BAZ1B: variants seen among roughly 807,000 people sequenced by gnomAD.
BAZ1B encodes bromodomain adjacent to zinc finger domain 1B.
Under a neutral mutation model 153.8 loss-of-function variants are expected in BAZ1B, and 22 were observed. That is an observed-to-expected ratio of 0.14 (90% CI 0.10 to 0.20). BAZ1B has a LOEUF of 0.20. Among genes scored for constraint, BAZ1B ranks in the 10% least tolerant of loss-of-function variants. BAZ1B has a pLI of 1.00. For synonymous variants in BAZ1B, 676 were observed against 633.4 expected (o/e 1.07, Z -1.01); for missense variants, 1,325 against 1,799.3 (o/e 0.74, Z 4.77).
intron 15 of BAZ1B, 118 bp from the exon 16 acceptor site, chr7:73,447,497 A>G (rs1015034118): frequency 1.6e-6 from 2 of 1,268,248 alleles, no homozygotes; most frequent in Non-Finnish European, 1.1e-6. Context: ...TGTATAACGT[A>G]TGATAATTCA....
At chr7:73,484,659 T>C (rs1789338078) in intron 6 of BAZ1B, among the ~76,000 whole-genome samples, 1 of 152,018 alleles carries the variant, frequency 6.6e-6, no homozygotes, top group Non-Finnish European at 1.5e-5. Flanking sequence ...AAAAAATAAA[T>C]AAAATATGTA....
In BAZ1B at chr7:73,441,706, C is replaced by T. The variant is rs184861154; in HGVS notation, c.*16-13G>A. ...CTGATACTGTCACCTGAGAGGAAGA[C>T]GGGGGAAGAGACAGAGTATGGGCTT... On this transcript the variant is annotated splice_polypyrimidine_tract_variant and intron_variant, in intron 19 of 19. Coordinates refer to ENST00000339594, the MANE Select transcript of BAZ1B (RefSeq NM_032408.4). 3.2e-3 allele frequency: 507 copies of T among 158,232 alleles called. 3 individuals are homozygous for T. The highest frequency in any genetic ancestry group is 4.7e-3 in the Non-Finnish European group (336 of 71,820). The allele number at this position is 158,232 out of a possible 1,614,324, so 9.8% of individuals were successfully genotyped here. A position where few individuals can be genotyped will look rare whatever the true frequency, so the allele number is the denominator to read the frequency against.
At chr7:73,515,755 T>C (rs1187696716) in intron 1 of BAZ1B, among the ~76,000 whole-genome samples, 1 of 152,132 alleles carries the variant, frequency 6.6e-6, no homozygotes, top group Non-Finnish European at 1.5e-5. Flanking sequence ...TTGTCCAGGC[T>C]GACCTCAAAT....
chr7:73,467,140 C>A (rs1263778721), intron 9 of BAZ1B, among the ~76,000 whole-genome samples: 2 of 152,188 alleles, frequency 1.3e-5, no homozygotes, highest in African/African-American at 4.8e-5. Context: ...ACCATGTTGG[C>A]CAGGCTGGTC....
At chr7:73,510,311 C>A (rs1554578397) in intron 2 of BAZ1B, among the ~76,000 whole-genome samples, 1 of 152,032 alleles carries the variant, frequency 6.6e-6, no homozygotes, top group African/African-American at 2.4e-5. Context: ...CACCTGTAGT[C>A]CCAGCTACTT....
intron 16 of BAZ1B, among the ~76,000 whole-genome samples, chr7:73,445,250 C>T (rs1554566248): frequency 6.6e-6 from 1 of 152,184 alleles, no homozygotes; most frequent in African/African-American, 2.4e-5. Flanking sequence ...AGAAACACTA[C>T]TTTCCATTCT....
At chr7:73,521,683 C>T (rs1220587328) in intron 1 of BAZ1B, 144 bp downstream of exon 1, 7 of 551,750 alleles carry the variant, frequency 1.3e-5, no homozygotes, top group Non-Finnish European at 1.9e-5. Context: ...CAGGCTGAGA[C>T]TCAGCCTCCA....
Position 73,476,931 on chromosome 7 carries a change from T to C in BAZ1B, c.2530A>G (p.Ser844Gly). 6.2e-7 allele frequency: 1 copy of C among 1,613,100 alleles called. No individual in the cohort carries two copies. The highest frequency in any genetic ancestry group is 1.3e-5 in the African/African-American group (1 of 74,944). ...EAEDMISAVK[S>G]RRLLAIQAKK... ...GCTTGAATGGCAAGCAACCTTCTGC[T>C]CTTCACAGCACTAATCATGTCTTCA... Residue 844 changes from serine (S) to glycine (G), a missense_variant, in exon 7 of 20, where the codon AGC becomes GGC. Around this residue, in one of 9 missense-constraint regions of BAZ1B, gnomAD observed 431 missense variants for 563.5 expected, o/e 0.76. Coordinates refer to ENST00000339594, the MANE Select transcript of BAZ1B (RefSeq NM_032408.4).
At chr7:73,501,782 G>A (rs1554577182) in intron 3 of BAZ1B, among the ~76,000 whole-genome samples, 2 of 152,036 alleles carry the variant, frequency 1.3e-5, no homozygotes. Context: ...TGCCTCCTCA[G>A]AGGAGCTTTA....
At chr7:73,498,437 G>A (rs1375791781) in intron 4 of BAZ1B, 60 bp downstream of exon 4, 3 of 1,501,344 alleles carry the variant, frequency 2.0e-6, no homozygotes, top group South Asian at 1.1e-5. Context: ...TAAAAGATGT[G>A]TTCATAATAA....
chr7:73,480,102 G>C (rs1789145337), intron 6 of BAZ1B, among the ~76,000 whole-genome samples: 1 of 150,826 alleles, frequency 6.6e-6, no homozygotes, highest in Admixed American at 6.6e-5. Flanking sequence ...AGCTTGCAGT[G>C]AGCCGAGATC....
intron 19 of BAZ1B, chr7:73,441,941 C>T (rs1787633383): frequency 3.9e-6 from 2 of 511,592 alleles, no homozygotes; most frequent in Admixed American, 7.2e-5. Context: ...AAAAGCTAGA[C>T]CCTCGGACTC....
At chr7:73,459,807 CA>C in intron 12 of BAZ1B, 89 bp from the exon 13 acceptor site, 1 of 1,152,652 alleles carries the variant, frequency 8.7e-7, no homozygotes. Context: ...AATCTAGACT[CA>C]AATGCCACAT....
chr7:73,476,786 G>C, intron 7 of BAZ1B, 82 bp downstream of exon 7: 3 of 1,517,940 alleles, frequency 2.0e-6, no homozygotes, highest in Non-Finnish European at 2.6e-6. Context: ...AACAAACAGA[G>C]ACCCTACCAT....
intron 7 of BAZ1B, among the ~76,000 whole-genome samples, chr7:73,473,202 AGTGTAGGATTACAGGCT>A (rs1788879033): frequency 6.6e-6 from 1 of 152,166 alleles, no homozygotes; most frequent in Non-Finnish European, 1.5e-5. Flanking sequence ...AGCCTCCCGA[AGTGTAGGATTACAGGCT>A]GTGAGCCACC....
intron 1 of BAZ1B, 49 bp downstream of exon 1, chr7:73,521,778 C>CCCCGGCCCAGCCCGGCCCAG (rs576870439): frequency 5.5e-6 from 8 of 1,448,302 alleles, no homozygotes; most frequent in Non-Finnish European, 6.5e-6. Flanking sequence ...CCAGGCCCTA[C>CCCCGGCCCAGCCCGGCCCAG]CCCGGCCCAG....
chr7:73,493,074 A>G (rs1789717040), intron 4 of BAZ1B, among the ~76,000 whole-genome samples, 153 bp from the exon 5 acceptor site: 1 of 152,232 alleles, frequency 6.6e-6, no homozygotes, highest in Non-Finnish European at 1.5e-5. Context: ...TCAAGGAGCT[A>G]AAGTCTATGA....
At chr7:73,492,197 C>T (rs1789676428) in intron 5 of BAZ1B, among the ~76,000 whole-genome samples, 1 of 150,250 alleles carries the variant, frequency 6.7e-6, no homozygotes. Flanking sequence ...GAATCTTGCT[C>T]TATCGCCCAG....
Position 73,440,620 on chromosome 7 carries a change from A to AT in BAZ1B, c.*1088dup, listed in dbSNP as rs1787575054. ...AGGGGAAGCTGGCGGTGGTGGGGTT[A>AT]TGAAGCTGTGATGTCAGTGCCAACT... On this transcript the variant is annotated 3_prime_UTR_variant, in exon 20 of 20. Coordinates refer to ENST00000339594, the MANE Select transcript of BAZ1B (RefSeq NM_032408.4). 6.6e-6 allele frequency: 1 copy of AT among 152,232 alleles called. No individual in the cohort carries two copies. Among genetic ancestry groups the AT allele is most frequent in the African/African-American group, 2.4e-5 (1 of 41,458 alleles). 9.4% of individuals were successfully genotyped at this position (152,232 alleles called of 1,614,324 possible). A position where few individuals can be genotyped will look rare whatever the true frequency, so the allele number is the denominator to read the frequency against.
Sources: allele counts gnomAD v4.1 joint callset (sites outside exome capture counted in the v4.1 genomes callset), GRCh38; gene constraint gnomAD v4.1.1; regional missense constraint gnomAD v4.1.1; transcripts MANE v1.5; gene names NCBI Gene and HGNC (gene_info 2026-07-23, HGNC 2026-07-21).